GRID2: variants seen among roughly 807,000 people sequenced by gnomAD.
The protein encoded by GRID2 is glutamate ionotropic receptor delta type subunit 2, also known as glutamate receptor ionotropic, delta-2.
A neutral mutation model predicts 114.8 loss-of-function variants in GRID2; 33 were observed. The observed-to-expected ratio is 0.29, with a 90% CI of 0.22 to 0.38. The LOEUF is 0.38. Ranked by LOEUF, GRID2 falls within the 10% of genes least tolerant of loss-of-function variation. The probability of loss-of-function intolerance (pLI) is 1.00; values close to 1 mark genes in which losing one functional copy is unlikely to be tolerated. For missense variants in GRID2, 1,184 were observed against 1,257.7 expected (o/e 0.94, Z 0.89); for synonymous variants, 505 against 449.9 (o/e 1.12, Z -1.55).
intron 1 of GRID2, among the ~76,000 whole-genome samples, chr4:92,448,131 TTATG>T (rs10551052): frequency 0.33 from 48,486 of 145,248 alleles, 8,125 homozygotes; most frequent in Non-Finnish European, 0.38. Context: ...GATTTTTATT[TTATG>T]TATGTATGTA....
At chr4:92,432,224 G>T (rs557269443) in intron 1 of GRID2, among the ~76,000 whole-genome samples, 2 of 152,164 alleles carry the variant, frequency 1.3e-5, no homozygotes, top group Admixed American at 1.3e-4. Flanking sequence ...TCTCTCCTAA[G>T]GCCCATGGCG....
intron 1 of GRID2, among the ~76,000 whole-genome samples, chr4:92,447,867 C>T (rs577387340): frequency 6.6e-6 from 1 of 152,286 alleles, no homozygotes; most frequent in Admixed American, 6.5e-5. Flanking sequence ...CTCCTAATAC[C>T]ATCACCTTAT....
chr4:93,766,399 G>T (rs1259275637), intron 14 of GRID2, among the ~76,000 whole-genome samples: 3 of 152,138 alleles, frequency 2.0e-5, no homozygotes, highest in Admixed American at 6.5e-5. Flanking sequence ...AAAACCATCA[G>T]ATCTCGTGAG....
At chr4:92,464,782 G>A (rs933816349) in intron 1 of GRID2, among the ~76,000 whole-genome samples, 2 of 152,112 alleles carry the variant, frequency 1.3e-5, no homozygotes, top group South Asian at 2.1e-4. Flanking sequence ...ACAGAAAAAT[G>A]TCTAATTCTC....
chr4:93,593,771 T>C (rs1043923001), intron 13 of GRID2, among the ~76,000 whole-genome samples: 1 of 152,198 alleles, frequency 6.6e-6, no homozygotes, highest in Non-Finnish European at 1.5e-5. Context: ...TTGTTTTTTC[T>C]CTAAACTTTC....
At chr4:92,874,093 G>C (rs996054471) in intron 2 of GRID2, among the ~76,000 whole-genome samples, 6 of 152,150 alleles carry the variant, frequency 3.9e-5, no homozygotes, top group Non-Finnish European at 8.8e-5. Flanking sequence ...AGAGAAAGGA[G>C]CAGGAACTGA....
chr4:92,963,338 T>A (rs1305988659), intron 2 of GRID2, among the ~76,000 whole-genome samples: 1 of 152,082 alleles, frequency 6.6e-6, no homozygotes, highest in Non-Finnish European at 1.5e-5. Context: ...TCTTTCAAAA[T>A]TGGAGTAAAT....
At chr4:92,898,967 CAACAT>C (rs1339369570) in intron 2 of GRID2, among the ~76,000 whole-genome samples, 2 of 151,956 alleles carry the variant, frequency 1.3e-5, no homozygotes, top group Non-Finnish European at 2.9e-5. Flanking sequence ...GAGTTTTACA[CAACAT>C]AACATTATAG....
At chr4:93,161,702 A>T (rs1737698546) in intron 4 of GRID2, among the ~76,000 whole-genome samples, 1 of 151,842 alleles carries the variant, frequency 6.6e-6, no homozygotes, top group Non-Finnish European at 1.5e-5. Context: ...CATAGTTTTT[A>T]TGTGACTGAA....
At chr4:92,739,475 G>A (rs563314980) in intron 2 of GRID2, among the ~76,000 whole-genome samples, 1 of 151,812 alleles carries the variant, frequency 6.6e-6, no homozygotes, top group Non-Finnish European at 1.5e-5. Flanking sequence ...TTTAAATCTG[G>A]CTGTCTTTGA....
chr4:93,732,091 C>A (rs1446883307), intron 14 of GRID2, among the ~76,000 whole-genome samples: 1 of 152,110 alleles, frequency 6.6e-6, no homozygotes, highest in Non-Finnish European at 1.5e-5. Context: ...TCTAAAGAGG[C>A]AAAAACATAA....
chr4:93,129,885 G>C, intron 4 of GRID2, among the ~76,000 whole-genome samples: 1 of 152,082 alleles, frequency 6.6e-6, no homozygotes. Flanking sequence ...AGGTTGGATC[G>C]TATTGTTCAG....
intron 15 of GRID2, among the ~76,000 whole-genome samples, chr4:93,770,538 GA>G (rs1734022421): frequency 1.3e-5 from 2 of 152,246 alleles, no homozygotes; most frequent in South Asian, 4.2e-4. Flanking sequence ...CATTTATAAG[GA>G]AAAGCTTGGC....
chr4:93,253,670 G>T (rs983785038), intron 8 of GRID2, among the ~76,000 whole-genome samples: 2 of 152,094 alleles, frequency 1.3e-5, no homozygotes, highest in African/African-American at 4.8e-5. Context: ...ATTAATCCAT[G>T]TCTGTAGTTT....
chr4:92,622,012 G>A (rs1304226725), intron 2 of GRID2, among the ~76,000 whole-genome samples: 1 of 151,738 alleles, frequency 6.6e-6, no homozygotes, highest in Non-Finnish European at 1.5e-5. Flanking sequence ...AATCATGTTT[G>A]TTATTAGTGA....
intron 8 of GRID2, among the ~76,000 whole-genome samples, chr4:93,310,520 A>G (rs982222242): frequency 3.9e-5 from 6 of 151,992 alleles, no homozygotes; most frequent in Admixed American, 3.9e-4. Context: ...GCAGAACGAG[A>G]CTCCATCTCA....
chr4:93,144,446 G>A, intron 4 of GRID2, among the ~76,000 whole-genome samples: 1 of 152,182 alleles, frequency 6.6e-6, no homozygotes, highest in East Asian at 1.9e-4. Context: ...CAAATCCTGT[G>A]CTTAACAAAG....
At chr4:93,097,797 C>G (rs1300297046) in intron 3 of GRID2, among the ~76,000 whole-genome samples, 3 of 151,676 alleles carry the variant, frequency 2.0e-5, no homozygotes, top group Non-Finnish European at 4.4e-5. Flanking sequence ...TTCTAGTTGT[C>G]AAAAAGTACA....
intron 2 of GRID2, among the ~76,000 whole-genome samples, chr4:92,866,084 G>A (rs1744840635): frequency 6.6e-6 from 1 of 152,162 alleles, no homozygotes; most frequent in Non-Finnish European, 1.5e-5. Flanking sequence ...TGGCCTACCT[G>A]AAAAACTCTC....
Sources: gnomAD v4.1 joint callset for allele counts (sites outside exome capture counted in the v4.1 genomes callset) on GRCh38, gnomAD v4.1.1 for gene constraint, MANE v1.5 for transcripts, NCBI Gene and HGNC (gene_info 2026-07-23, HGNC 2026-07-21) for gene names.